The following ANKS1B variants were observed in gnomAD, a reference collection of about 807,000 sequenced individuals.
ANKS1B encodes ankyrin repeat and sterile alpha motif domain-containing protein 1B.
ANKS1B carries 36 observed loss-of-function variants against 148.3 expected under a neutral mutation model. The observed-to-expected ratio is 0.24, with a 90% CI of 0.19 to 0.32. ANKS1B has a LOEUF of 0.32. Ranked by LOEUF, ANKS1B falls within the 10% of genes least tolerant of loss-of-function variation. The probability of loss-of-function intolerance (pLI) is 1.00; values close to 1 mark genes in which losing one functional copy is unlikely to be tolerated. For missense variants in ANKS1B, 1,157 were observed against 1,542.6 expected, an observed-to-expected ratio of 0.75 and a Z score of 4.19; for synonymous variants, 542 against 560.8, an observed-to-expected ratio of 0.97 and a Z score of 0.47.
At chr12:99,946,169 T>C (rs2095056031) in intron 1 of ANKS1B, among the ~76,000 whole-genome samples, 2 of 152,144 alleles carry the variant, frequency 1.3e-5, no homozygotes, top group Admixed American at 1.3e-4. Flanking sequence ...GTAGACATTC[T>C]TGCTCTGAGT....
At chr12:98,859,249 T>C (rs1367679962) in intron 17 of ANKS1B, among the ~76,000 whole-genome samples, 9 of 152,208 alleles carry the variant, frequency 5.9e-5, no homozygotes, top group Non-Finnish European at 1.3e-4. Flanking sequence ...CATTCACATA[T>C]GTGATGGTAT....
In ANKS1B at chr12:99,814,555, T is replaced by C. The variant is rs368261950; in HGVS notation, c.216-2244A>G. On this transcript the variant is annotated intron_variant, in intron 2 of 26. Coordinates refer to ENST00000683438, the MANE Select transcript of ANKS1B (RefSeq NM_001352186.2). ...GGTTGTTATATAGGGTCTTCCATTC[T>C]GACATAAATAAATACATAACTTCAG... Among the ~76,000 whole-genome samples, 36 of 151,862 alleles carry C rather than the reference T, an allele frequency of 2.4e-4. No individual in the cohort carries two copies. In the South Asian group the frequency reaches 7.3e-3, roughly 31 times the overall value.
At chr12:99,889,127 C>T (rs1352045425) in intron 1 of ANKS1B, among the ~76,000 whole-genome samples, 1 of 152,134 alleles carries the variant, frequency 6.6e-6, no homozygotes, top group African/African-American at 2.4e-5. Flanking sequence ...TAGATCCTCC[C>T]ATCAGCCACA....
chr12:99,453,056 C>T (rs374738387), intron 10 of ANKS1B, among the ~76,000 whole-genome samples: 1 of 152,082 alleles, frequency 6.6e-6, no homozygotes, highest in South Asian at 2.1e-4. Flanking sequence ...TTTGGGAGGC[C>T]AAGGTGGGCG....
At chr12:98,903,714 G>C (rs1270270663) in intron 17 of ANKS1B, among the ~76,000 whole-genome samples, 1 of 152,158 alleles carries the variant, frequency 6.6e-6, no homozygotes, top group Non-Finnish European at 1.5e-5. Flanking sequence ...TGGATTTTTG[G>C]CAGTTGTAAC....
chr12:99,241,514 T>C (rs2089318754), intron 14 of ANKS1B, among the ~76,000 whole-genome samples: 1 of 152,140 alleles, frequency 6.6e-6, no homozygotes, highest in African/African-American at 2.4e-5. Context: ...TTCCAATCAA[T>C]AGAAAAAGAG....
rs557677241 is a variant in ANKS1B, at chr12:98,777,540, T to C, written c.3441+3577A>G. ...TGAAGAAGGGTCCGTTACTAAACAG[T>C]TGCAGTCCCCCAGGCCGAATTCCCT... On this transcript the variant is annotated intron_variant, in intron 24 of 26. Transcript: ENST00000683438. 3.3e-5 allele frequency among the ~76,000 whole-genome samples: 5 copies of C among 152,296 alleles called. No homozygotes were observed. The South Asian group carries it at 1.0e-3, about 32-fold the overall frequency.
intron 5 of ANKS1B, among the ~76,000 whole-genome samples, chr12:99,781,519 T>C (rs2064327018): frequency 1.3e-5 from 2 of 152,148 alleles, no homozygotes; most frequent in South Asian, 4.1e-4. Flanking sequence ...CTTTAAAAGG[T>C]TCCCTTTAAA....
intron 17 of ANKS1B, among the ~76,000 whole-genome samples, chr12:98,953,149 T>C (rs2099856600): frequency 6.6e-6 from 1 of 152,024 alleles, no homozygotes; most frequent in Non-Finnish European, 1.5e-5. Context: ...GCCTCCTGAG[T>C]AGCTGGGATT....
intron 9 of ANKS1B, among the ~76,000 whole-genome samples, chr12:99,523,498 A>T (rs1385782776): frequency 6.6e-6 from 1 of 151,994 alleles, no homozygotes; most frequent in Non-Finnish European, 1.5e-5. Flanking sequence ...CTAAGTAGCA[A>T]ACTCTCTGTC....
intron 12 of ANKS1B, among the ~76,000 whole-genome samples, chr12:99,395,919 A>G (rs1181318505): frequency 2.0e-5 from 3 of 152,196 alleles, no homozygotes; most frequent in African/African-American, 7.2e-5. Flanking sequence ...AATGTAGATT[A>G]ATCAGTAAAT....
intron 17 of ANKS1B, among the ~76,000 whole-genome samples, chr12:98,920,127 C>G (rs1425451473): frequency 6.6e-6 from 1 of 152,188 alleles, no homozygotes; most frequent in African/African-American, 2.4e-5. Flanking sequence ...GGTTTGCAGG[C>G]AATCTTTGAC....
downstream of ANKS1B, among the ~76,000 whole-genome samples, chr12:98,742,371 CAT>C (rs1233585330): frequency 6.7e-6 from 1 of 150,146 alleles, no homozygotes; most frequent in East Asian, 2.0e-4. Context: ...CCCAAACAAA[CAT>C]AGGTCTCTGA....
At chr12:99,338,675 GGCA>G (rs2089392317) in intron 12 of ANKS1B, among the ~76,000 whole-genome samples, 2 of 152,126 alleles carry the variant, frequency 1.3e-5, no homozygotes, top group African/African-American at 4.8e-5. Context: ...CAAGGCACGT[GGCA>G]AGTACTGCCT....
At chr12:98,921,077 T>A (rs958611681) in intron 17 of ANKS1B, among the ~76,000 whole-genome samples, 1 of 152,208 alleles carries the variant, frequency 6.6e-6, no homozygotes, top group Non-Finnish European at 1.5e-5. Context: ...ATTAAAAGTA[T>A]GTCTTTCTTC....
Position 99,051,739 on chromosome 12 carries a change from A to C in ANKS1B, c.2778+1418T>G, listed in dbSNP as rs758641557. Among the ~76,000 whole-genome samples, 95 of 152,358 alleles carry C rather than the reference A, an allele frequency of 6.2e-4. 1 individual carries two copies. The highest frequency in any genetic ancestry group is 3.4e-4 in the Non-Finnish European group (23 of 68,028). ...GCAGAAAGTTAAGAAAGAGTTACTT[A>C]TGGCCATACAATCACATTAATTTGT... On this transcript the variant is annotated intron_variant, in intron 17 of 26. Coordinates refer to ENST00000683438, the MANE Select transcript of ANKS1B (RefSeq NM_001352186.2).
In ANKS1B at chr12:98,791,330, C is replaced by CAA. The variant is rs557408637; in HGVS notation, c.3342+7602_3342+7603dup. On this transcript the variant is annotated intron_variant, in intron 22 of 26. Transcript: ENST00000683438. ...ACTGCACTCCAGCCTGGGAGACAGT[C>CAA]AAAAAAAAAAAAAAAGAAAACATTC... Among the ~76,000 whole-genome samples, 92 of 118,210 alleles carry CAA rather than the reference C, an allele frequency of 7.8e-4. 1 individual carries two copies. Among genetic ancestry groups the CAA allele is most frequent in the South Asian group, 1.1e-3 (4 of 3,518 alleles). 77.6% of individuals were successfully genotyped at this position (118,210 alleles called of 152,430 possible).
Position 99,399,828 on chromosome 12 carries a change from T to C in ANKS1B, c.1576-17A>G. 1 of 1,612,266 alleles carries C rather than the reference T, an allele frequency of 6.2e-7. No individual in the cohort carries two copies. The highest frequency in any genetic ancestry group is 1.1e-5 in the South Asian group (1 of 91,034). Reference sequence around the variant, plus strand: ...CTGTTTAGGCTAAAATAAATGAGCATGACGAGAGTATTAATATGATCATGT... The same window carrying C: ...CTGTTTAGGCTAAAATAAATGAGCACGACGAGAGTATTAATATGATCATGT... On this transcript the variant is annotated splice_polypyrimidine_tract_variant and intron_variant, in intron 11 of 26. Transcript: ENST00000683438.
chr12:98,987,461 TAAC>T (rs1208866714), intron 17 of ANKS1B, among the ~76,000 whole-genome samples: 3 of 152,046 alleles, frequency 2.0e-5, no homozygotes, highest in East Asian at 1.9e-4. Context: ...AGCAAAATAA[TAAC>T]AACAACAACA....
Sources: gnomAD v4.1 joint callset for allele counts (sites outside exome capture counted in the v4.1 genomes callset) on GRCh38, gnomAD v4.1.1 for gene constraint, MANE v1.5 for transcripts, NCBI Gene and HGNC (gene_info 2026-07-23, HGNC 2026-07-21) for gene names.